BIRC6: variants seen among roughly 807,000 people sequenced by gnomAD.
BIRC6 encodes baculoviral IAP repeat containing 6, also known as dual E2 ubiquitin-conjugating enzyme/E3 ubiquitin-protein ligase BIRC6.
In BIRC6, 98 loss-of-function variants were observed where a neutral mutation model predicts 503.3. That is an observed-to-expected ratio of 0.19 (90% CI 0.17 to 0.23). The LOEUF is 0.23. BIRC6 is among the 10% of genes least tolerant of loss of function. The pLI is 1.00. For missense variants in BIRC6, 5,360 were observed against 5,806.0 expected (o/e 0.92, Z 2.50); for synonymous variants, 2,240 against 2,078.7 (o/e 1.08, Z -2.11).
Position 32,508,101 on chromosome 2 carries a change from A to C in BIRC6, c.9822A>C (p.Val3274=), listed in dbSNP as rs767944732. 17 of 1,613,804 alleles carry C rather than the reference A, an allele frequency of 1.1e-5. No individual in the cohort carries two copies. The highest frequency in any genetic ancestry group is 1.4e-5 in the Non-Finnish European group (16 of 1,179,892). ...AAATTCAGCTTGTAAAAGCCGAAGT[A>C]GCTTCTGCTGTCTGCCTTAGACTAC... ...YIKIQLVKAE[V]ASAVCLRLHR... The change falls in exon 51 of 74, where the codon GTA becomes GTC. Residue 3274 remains valine (V), a synonymous_variant. Transcript: ENST00000421745.
intron 65 of BIRC6, among the ~76,000 whole-genome samples, chr2:32,557,018 G>C (rs1261734743): frequency 1.3e-5 from 2 of 152,068 alleles, no homozygotes; most frequent in Non-Finnish European, 2.9e-5. Context: ...GTTTTATTTT[G>C]TATTACCCAC....
At chr2:32,617,125 C>T (rs936760793) in intron 73 of BIRC6, among the ~76,000 whole-genome samples, 4 of 150,594 alleles carry the variant, frequency 2.7e-5, no homozygotes, top group Non-Finnish European at 3.0e-5. Context: ...GTATGTAGGC[C>T]GGGTGCATTG....
intron 1 of BIRC6, among the ~76,000 whole-genome samples, chr2:32,359,403 C>T (rs749062579): frequency 6.6e-6 from 1 of 152,080 alleles, no homozygotes; most frequent in Non-Finnish European, 1.5e-5. Flanking sequence ...TATTTATGTG[C>T]CTGTACATGG....
At position 32,499,677 on chromosome 2, in the gene BIRC6, G is replaced by C; in HGVS notation, c.8599G>C (p.Val2867Leu). ...CGTGATAGAATCGGTTACATTTTTA[G>C]TGCACCACTATATCACTTGCTCAGA... Reference protein sequence around the residue: ...SAVIESVTFLVHHYITCSDKV... With the variant: ...SAVIESVTFLLHHYITCSDKV... The change falls in exon 46 of 74, where the codon GTG (valine) becomes CTG (leucine). Residue 2867 changes from valine (V) to leucine (L), a missense_variant. Physicochemically the swap from Val to Leu is conservative, Grantham distance 32 (BLOSUM62 1). Transcript: ENST00000421745. The C allele has an allele frequency of 6.2e-7, 1 of 1,613,816 alleles. No individual in the cohort carries two copies. The highest frequency in any genetic ancestry group is 8.5e-7 in the Non-Finnish European group (1 of 1,179,812).
intron 57 of BIRC6, chr2:32,522,296 T>G (rs2055812403): frequency 6.6e-6 from 1 of 151,996 alleles, no homozygotes; most frequent in Non-Finnish European, 1.5e-5. Flanking sequence ...AATGTAAATT[T>G]TACTTTTTGG....
chr2:32,421,970 G>C (rs1358129024), intron 10 of BIRC6, among the ~76,000 whole-genome samples: 1 of 152,082 alleles, frequency 6.6e-6, no homozygotes, highest in East Asian at 1.9e-4. Flanking sequence ...TTTTAAGTCT[G>C]TTTTTGCTTC....
rs557307604 is a variant in BIRC6 at position 32,594,046 on chromosome 2, G to A, written c.13487G>A (p.Arg4496Gln). Residue 4496 changes from arginine to glutamine, a missense_variant, in exon 67 of 74, where the codon CGG (arginine) becomes CAG (glutamine). By Grantham distance (43) the Arg-to-Gln change is conservative. Around this residue, in one of 16 missense-constraint regions of BIRC6, gnomAD observed 477 missense variants for 574.4 expected, o/e 0.83. Transcript: ENST00000421745. ...EIVYAATTSL[R>Q]QANQEKKLGE... Reference sequence around the variant, plus strand: ...GTTTATGCAGCCACCACCAGTTTGCGGCAAGCAAATCAGGGTACAAAACTT... The same window carrying A: ...GTTTATGCAGCCACCACCAGTTTGCAGCAAGCAAATCAGGGTACAAAACTT... The A allele has an allele frequency of 8.1e-6, 13 of 1,610,090 alleles. No individual in the cohort carries two copies. In the African/African-American group the frequency reaches 9.3e-5, roughly 12 times the overall value.
chr2:32,497,525 A>C (rs952084593), intron 45 of BIRC6, among the ~76,000 whole-genome samples: 3 of 152,152 alleles, frequency 2.0e-5, no homozygotes, highest in African/African-American at 7.2e-5. Flanking sequence ...AAAATTTTCA[A>C]CTTATTTTCT....
chr2:32,365,783 T>C (rs890846490), intron 1 of BIRC6, among the ~76,000 whole-genome samples: 1 of 152,112 alleles, frequency 6.6e-6, no homozygotes, highest in African/African-American at 2.4e-5. Context: ...CCTATTATGA[T>C]TGGAGCTTGG....
At chr2:32,493,424 C>T in intron 44 of BIRC6, 116 bp from the exon 45 acceptor site, 1 of 933,568 alleles carries the variant, frequency 1.1e-6, no homozygotes, top group Non-Finnish European at 1.5e-6. Flanking sequence ...TTTTGTTTTC[C>T]TCGTACGAAA....
chr2:32,464,978 T>TATA lies in BIRC6; in HGVS notation c.5257-85_5257-84insAAT, dbSNP rs1301817038. 1.2e-5 allele frequency: 16 copies of TATA among 1,305,680 alleles called. No homozygotes were observed. In the Middle Eastern group the frequency reaches 9.4e-4, roughly 77 times the overall value. The allele number at this position is 1,305,680 out of a possible 1,614,324, so 80.9% of individuals were successfully genotyped here. On this transcript the variant is annotated intron_variant, in intron 25 of 73. Coordinates refer to ENST00000421745, the MANE Select transcript of BIRC6 (RefSeq NM_016252.4). ...AGTACATACATTAAGAGAAGAAACT[T>TATA]ATTAATTTGCTATTATGGTTAGTAG...
chr2:32,463,342 G>T lies in BIRC6; in HGVS notation c.4902G>T (p.Leu1634=), dbSNP rs755934702. 4 of 1,612,924 alleles carry T rather than the reference G, an allele frequency of 2.5e-6. No homozygotes were observed. Among genetic ancestry groups the T allele is most frequent in the Non-Finnish European group, 3.4e-6 (4 of 1,179,526 alleles). The stretch of plus-strand genomic sequence containing the variant: ...CAGCCGAGCAACAGCTACAGGTGCT[G>T]CAAGAGAAACAGCAGCAGCTTTTGA... The part of the protein sequence containing the change: ...MASAEQQLQV[L]QEKQQQLLKL... Residue 1634 remains leucine (L), a synonymous_variant, in exon 24 of 74, where the codon CTG becomes CTT. Transcript: ENST00000421745.
intron 66 of BIRC6, among the ~76,000 whole-genome samples, chr2:32,578,598 C>A (rs1025538301): frequency 6.6e-6 from 1 of 151,978 alleles, no homozygotes; most frequent in Non-Finnish European, 1.5e-5. Flanking sequence ...GAGTTCTAGA[C>A]CAGCCTGTCC....
rs2056570440 is a variant in BIRC6 at position 32,529,661 on chromosome 2, G to A, written c.11931G>A (p.Leu3977=). ...GTTATATCATTTTAGGCCAGCCATT[G>A]CCAGCTGAAATGACACTTGCCCAGC... ...LFHKLLAGQP[L]PAEMTLAQLL... Residue 3977 remains leucine, a synonymous_variant, in exon 60 of 74, where the codon TTG becomes TTA. Coordinates refer to ENST00000421745, the MANE Select transcript of BIRC6 (RefSeq NM_016252.4). The A allele has an allele frequency of 1.3e-6, 2 of 1,590,690 alleles. No homozygotes were observed. The highest frequency in any genetic ancestry group is 1.8e-5 in the Admixed American group (1 of 55,558).
intron 10 of BIRC6, among the ~76,000 whole-genome samples, chr2:32,418,091 A>C (rs2042572997): frequency 6.6e-6 from 1 of 152,190 alleles, no homozygotes; most frequent in Non-Finnish European, 1.5e-5. Flanking sequence ...AATTTCTGTA[A>C]TTTCTAGTGA....
intron 9 of BIRC6, among the ~76,000 whole-genome samples, chr2:32,410,469 G>GT (rs2041739972): frequency 6.6e-6 from 1 of 152,132 alleles, no homozygotes; most frequent in Non-Finnish European, 1.5e-5. Flanking sequence ...ATTAAATCAT[G>GT]TTTATACTGA....
intron 66 of BIRC6, among the ~76,000 whole-genome samples, chr2:32,576,361 T>C (rs2060263451): frequency 1.3e-5 from 2 of 152,216 alleles, no homozygotes; most frequent in African/African-American, 4.8e-5. Context: ...CTTTTTTAAA[T>C]AACCTAGGAG....
intron 65 of BIRC6, among the ~76,000 whole-genome samples, chr2:32,554,169 G>C (rs1559041641): frequency 6.6e-6 from 1 of 152,112 alleles, no homozygotes; most frequent in Non-Finnish European, 1.5e-5. Flanking sequence ...TTTGAGAAGA[G>C]AGCATATTAA....
In BIRC6 at chr2:32,508,122, A is replaced by T; in HGVS notation, c.9843A>T (p.Arg3281Ser). 1.2e-6 allele frequency: 2 copies of T among 1,613,928 alleles called. No individual in the cohort carries two copies. Among genetic ancestry groups the T allele is most frequent in the Non-Finnish European group, 8.5e-7 (1 of 1,179,876 alleles). The stretch of plus-strand genomic sequence containing the variant: ...AAGTAGCTTCTGCTGTCTGCCTTAG[A>T]CTACATCGTCCACGGGATGCCAGCA... ...KAEVASAVCL[R>S]LHRPRDASTL... Residue 3281 changes from arginine (R) to serine (S), a missense_variant, in exon 51 of 74, where the codon AGA becomes AGT. Transcript: ENST00000421745.
Sources: allele counts gnomAD v4.1 joint callset (sites outside exome capture counted in the v4.1 genomes callset), GRCh38; gene constraint gnomAD v4.1.1; regional missense constraint gnomAD v4.1.1; transcripts MANE v1.5; gene names NCBI Gene and HGNC (gene_info 2026-07-23, HGNC 2026-07-21).